The following NMT2 variants were observed in gnomAD, a reference collection of about 807,000 sequenced individuals.
The protein encoded by NMT2 is N-myristoyltransferase 2, also known as glycylpeptide N-tetradecanoyltransferase 2.
Under a neutral mutation model 65.4 loss-of-function variants are expected in NMT2, and 35 were observed. That is an observed-to-expected ratio of 0.54 (90% CI 0.41 to 0.71). The LOEUF is 0.71. Ranked by LOEUF, NMT2 falls within the 30% of genes least tolerant of loss-of-function variation. The pLI, the probability that NMT2 is intolerant of heterozygous loss-of-function variation, is 0.00. For synonymous variants in NMT2, 226 were observed against 231.8 expected (o/e 0.98, Z 0.23); for missense variants, 489 against 611.3 (o/e 0.80, Z 2.11).
At chr10:15,133,443 G>A in intron 3 of NMT2, 80 bp from the exon 4 acceptor site, 2 of 1,132,388 alleles carry the variant, frequency 1.8e-6, no homozygotes, top group Admixed American at 1.7e-5. Context: ...CATCCAAAGT[G>A]GTCAGTGACA....
intron 1 of NMT2, among the ~76,000 whole-genome samples, chr10:15,163,729 C>T (rs770449929): frequency 2.2e-4 from 34 of 152,204 alleles, no homozygotes; most frequent in Non-Finnish European, 4.1e-4. Context: ...CATATGAAGT[C>T]AGATACAACA....
intron 3 of NMT2, among the ~76,000 whole-genome samples, 194 bp downstream of exon 3, chr10:15,135,080 C>T (rs563689391): frequency 2.6e-5 from 4 of 152,192 alleles, no homozygotes; most frequent in Admixed American, 1.3e-4. Context: ...TTATCAAAAG[C>T]CAATGTCACT....
At chr10:15,133,520 C>T (rs190159200) in intron 3 of NMT2, among the ~76,000 whole-genome samples, 157 bp from the exon 4 acceptor site, 2 of 152,278 alleles carry the variant, frequency 1.3e-5, no homozygotes, top group Non-Finnish European at 2.9e-5. Flanking sequence ...TTATATCAAG[C>T]GCCTCTGGAC....
In NMT2 at chr10:15,168,506, T is replaced by C. The variant is rs745881703; in HGVS notation, c.107A>G (p.Lys36Arg). The C allele has an allele frequency of 1.3e-6, 2 of 1,579,768 alleles. No homozygotes were observed. Among genetic ancestry groups the C allele is most frequent in the Non-Finnish European group, 1.7e-6 (2 of 1,165,590 alleles). Residue 36 changes from lysine to arginine, a missense_variant, in exon 1 of 12, where the codon AAA becomes AGA. Coordinates refer to ENST00000378165, the MANE Select transcript of NMT2 (RefSeq NM_004808.3). ...TGCGCCAGCGCGCCGCCCCTACCCT[T>C]TGGCGTGCTCCGTCTCCTCCTCATT... The part of the protein sequence containing the change: ...GDNEEETEHA[K>R]GSPGGYLGAK...
chr10:15,165,506 C>T (rs957175189), intron 1 of NMT2, among the ~76,000 whole-genome samples: 1 of 152,200 alleles, frequency 6.6e-6, no homozygotes, highest in Non-Finnish European at 1.5e-5. Context: ...ACAATCCCTT[C>T]TTCCCCCATG....
intron 1 of NMT2, chr10:15,155,331 A>T (rs1482620379): frequency 1.8e-6 from 2 of 1,106,784 alleles, no homozygotes; most frequent in Admixed American, 1.8e-5. Flanking sequence ...GGCTGGTAGT[A>T]CAGGGCTCCT....
chr10:15,151,760 C>T (rs1041037519), intron 1 of NMT2, among the ~76,000 whole-genome samples: 5 of 152,314 alleles, frequency 3.3e-5, no homozygotes, highest in African/African-American at 1.2e-4. Context: ...TGTGGTGGCT[C>T]ATGCCGGTAA....
chr10:15,149,562 A>ACATCATCACCAC (rs201883854), intron 1 of NMT2, among the ~76,000 whole-genome samples: 4 of 33,136 alleles, frequency 1.2e-4, no homozygotes, highest in East Asian at 1.4e-3. Context: ...ATCATCACCA[A>ACATCATCACCAC]CATCATCACC....
chr10:15,119,217 C>T lies in NMT2; in HGVS notation c.1170+126G>A. The T allele has an allele frequency of 3.6e-6, 3 of 840,312 alleles. No individual in the cohort carries two copies. In the South Asian group the frequency reaches 4.8e-5, roughly 14 times the overall value. The allele number at this position is 840,312 out of a possible 1,614,324, so 52.1% of individuals were successfully genotyped here. On this transcript the variant is annotated intron_variant, in intron 9 of 11. Transcript: ENST00000378165. ...TTATTAATCTTATTAACTCTCTACC[C>T]TTTAGTACACATCTTTGTAATGTTC...
At chr10:15,144,517 A>G (rs760907869) in intron 1 of NMT2, among the ~76,000 whole-genome samples, 17 of 152,128 alleles carry the variant, frequency 1.1e-4, no homozygotes, top group Non-Finnish European at 2.5e-4. Context: ...AGATCATGAG[A>G]TCAGGAGATC....
chr10:15,159,582 C>T (rs893447918), intron 1 of NMT2, among the ~76,000 whole-genome samples: 2 of 152,046 alleles, frequency 1.3e-5, no homozygotes, highest in African/African-American at 2.4e-5. Flanking sequence ...TGCCCGCCAT[C>T]GTGCCAGACT....
chr10:15,155,312 G>A, intron 1 of NMT2: 1 of 1,258,578 alleles, frequency 7.9e-7, no homozygotes, highest in Non-Finnish European at 1.2e-6. Flanking sequence ...ACATGGTGGG[G>A]TTGACCATGG....
chr10:15,141,815 A>T (rs1389520982), intron 1 of NMT2, among the ~76,000 whole-genome samples: 1 of 152,226 alleles, frequency 6.6e-6, no homozygotes. Flanking sequence ...GATAAACCAC[A>T]TTTTATAACT....
At position 15,139,811 on chromosome 10, in the gene NMT2, C is replaced by T. The variant is rs889152042; in HGVS notation, c.246+1611G>A. 1.8e-4 allele frequency: 26 copies of T among 142,148 alleles called. No homozygotes were observed. In the Admixed American group the frequency reaches 1.9e-3, roughly 10 times the overall value. The allele number at this position is 142,148 out of a possible 1,614,324, so 8.8% of individuals were successfully genotyped here. A position where few individuals can be genotyped will look rare whatever the true frequency, so the allele number is the denominator to read the frequency against. On this transcript the variant is annotated intron_variant, in intron 2 of 11. Coordinates refer to ENST00000378165, the MANE Select transcript of NMT2 (RefSeq NM_004808.3). ...CTCACTTCATGGAACACAACAGAAA[C>T]TCTGCATAAGAAAAAAGGAAATCCA...
intron 8 of NMT2, among the ~76,000 whole-genome samples, chr10:15,127,969 CATT>C (rs1414786112): frequency 1.3e-5 from 2 of 152,056 alleles, no homozygotes; most frequent in African/African-American, 4.8e-5. Flanking sequence ...TTTAATGAGA[CATT>C]ATTTCCACTC....
At position 15,144,603 on chromosome 10, in the gene NMT2, C is replaced by T. The variant is rs182330883; in HGVS notation, c.111-3046G>A. 1.1e-4 allele frequency among the ~76,000 whole-genome samples: 17 copies of T among 152,152 alleles called. No individual in the cohort carries two copies. The East Asian group carries it at 2.5e-3, about 22-fold the overall frequency. Reference sequence around the variant, plus strand: ...AAAATTTGCTGGGCGTGGTGGCGGGCGCCTGTAGTCCCAGCTACTCAGGAG... The same window carrying T: ...AAAATTTGCTGGGCGTGGTGGCGGGTGCCTGTAGTCCCAGCTACTCAGGAG... On this transcript the variant is annotated intron_variant, in intron 1 of 11. Coordinates refer to ENST00000378165, the MANE Select transcript of NMT2 (RefSeq NM_004808.3).
In NMT2 at chr10:15,107,596, C is replaced by T. The variant is rs1030344541; in HGVS notation, c.*1599G>A. On this transcript the variant is annotated 3_prime_UTR_variant, in exon 12 of 12. Transcript: ENST00000378165. ...GCCTCCTAGCAGCTGGGATTACAGG[C>T]ACCCGCCACCACACCCAGCTAGTTC... The T allele has an allele frequency of 4.9e-6, 2 of 407,284 alleles. No homozygotes were observed. The highest frequency in any genetic ancestry group is 3.3e-6 in the Non-Finnish European group (1 of 301,790). The allele number at this position is 407,284 out of a possible 1,614,324, so 25.2% of individuals were successfully genotyped here.
At chr10:15,137,195 A>C (rs971177755) in intron 2 of NMT2, among the ~76,000 whole-genome samples, 6 of 152,138 alleles carry the variant, frequency 3.9e-5, no homozygotes, top group African/African-American at 1.4e-4. Flanking sequence ...CTCATCGTAC[A>C]CAGCACAGAA....
intron 1 of NMT2, 37 bp downstream of exon 1, chr10:15,168,466 C>A (rs762678992): frequency 2.2e-4 from 325 of 1,510,914 alleles, no homozygotes; most frequent in Non-Finnish European, 2.9e-4. Context: ...GCGGTCCCCG[C>A]CCTGTCGCGC....
Sources: allele counts gnomAD v4.1 joint callset (sites outside exome capture counted in the v4.1 genomes callset), GRCh38; gene constraint gnomAD v4.1.1; transcripts MANE v1.5; gene names NCBI Gene and HGNC (gene_info 2026-07-23, HGNC 2026-07-21).